Variants in SCN10A observed in about 807,000 individuals in gnomAD.
SCN10A encodes the protein sodium voltage-gated channel alpha subunit 10.
In SCN10A, 162 loss-of-function variants were observed where a neutral mutation model predicts 170.7. The observed-to-expected ratio is 0.95, with a 90% CI of 0.84 to 1.08. The LOEUF (loss-of-function observed/expected upper bound fraction) is 1.08. SCN10A is among the 50% of genes least tolerant of loss of function. The pLI, the probability that SCN10A is intolerant of heterozygous loss-of-function variation, is 0.00. For missense variants in SCN10A, 2,527 were observed against 2,436.9 expected (o/e 1.04, Z -0.78); for synonymous variants, 985 against 904.6 (o/e 1.09, Z -1.59).
At chr3:38,730,451 G>A (rs978826152) in intron 15 of SCN10A, among the ~76,000 whole-genome samples, 1 of 152,110 alleles carries the variant, frequency 6.6e-6, no homozygotes, top group African/African-American at 2.4e-5. Context: ...CTCAAAAATT[G>A]TTTAAGAGTT....
intron 22 of SCN10A, 34 bp from the exon 23 acceptor site, chr3:38,712,479 C>T: frequency 1.2e-6 from 2 of 1,601,492 alleles, no homozygotes; most frequent in East Asian, 4.5e-5. Flanking sequence ...TGGAACCTCC[C>T]AATGCCCCAC....
intron 13 of SCN10A, 137 bp downstream of exon 13, chr3:38,749,936 A>T (rs1371624086): frequency 9.9e-6 from 5 of 507,156 alleles, no homozygotes; most frequent in African/African-American, 2.0e-5. Flanking sequence ...GGGGCCTAAG[A>T]CATAAGAATG....
At chr3:38,723,381 C>G (rs1277347977) in intron 19 of SCN10A, 49 bp downstream of exon 19, 1 of 1,610,744 alleles carries the variant, frequency 6.2e-7, no homozygotes, top group African/African-American at 1.3e-5. Context: ...CAACTGGATT[C>G]TGGCCCTAAT....
intron 3 of SCN10A, 58 bp downstream of exon 3, chr3:38,791,992 G>C: frequency 8.8e-6 from 14 of 1,597,050 alleles, no homozygotes; most frequent in Non-Finnish European, 1.1e-5. Context: ...GAAGGTACTG[G>C]ACACAGTAGG....
rs759682828 is a variant in SCN10A at position 38,726,586 on chromosome 3, C to G, written c.3087+20G>C. On this transcript the variant is annotated intron_variant, in intron 17 of 27. Coordinates refer to ENST00000449082, the MANE Select transcript of SCN10A (RefSeq NM_006514.4). ...GCCCCTCCCCACTGCCTGTGGCTGT[C>G]CCTTGGGGATAACTCTTACCTGTCC... is the stretch of plus-strand genomic sequence containing the variant. 2 of 1,551,782 alleles carry G rather than the reference C, an allele frequency of 1.3e-6. No homozygotes were observed. The highest frequency in any genetic ancestry group is 1.8e-6 in the Non-Finnish European group (2 of 1,141,194).
At position 38,771,369 on chromosome 3, in the gene SCN10A, A is replaced by C. The variant is rs769305453; in HGVS notation, c.509T>G (p.Ile170Arg). 2.5e-6 allele frequency: 4 copies of C among 1,614,028 alleles called. No homozygotes were observed. The Admixed American group carries it at 6.7e-5, about 27-fold the overall frequency. The change falls in exon 5 of 28, where the codon ATA becomes AGA. Residue 170 changes from isoleucine (I) to arginine (R), a missense_variant. Ile to Arg is a moderately conservative substitution (Grantham distance 97). Coordinates refer to ENST00000449082, the MANE Select transcript of SCN10A (RefSeq NM_006514.4). ...FTVIYTFEAL[I>R]KILARGFCLN... ...ACAAAATCCTCTTGCCAGTATCTTT[A>C]TCAAGGCTTCAAAGGTGTAAATGAC...
At chr3:38,783,584 G>T (rs1047080576) in intron 4 of SCN10A, among the ~76,000 whole-genome samples, 2 of 151,964 alleles carry the variant, frequency 1.3e-5, no homozygotes, top group African/African-American at 4.8e-5. Context: ...GAATATAACA[G>T]AAATAGTTAA....
chr3:38,793,842 A>G lies in SCN10A; in HGVS notation c.169T>C (p.Leu57=), dbSNP rs751243180. ...TTGGGCAGCTGGTTGCAGGCTTTCA[A>G]GTCCAGCTGGGGCCGAGGCTTCTCT... ...QEEKPRPQLD[L]KACNQLPKFY... The change falls in exon 2 of 28, where the codon TTG becomes CTG. Residue 57 remains leucine, a synonymous_variant. Transcript: ENST00000449082. The G allele has an allele frequency of 1.2e-6, 2 of 1,613,908 alleles. No individual in the cohort carries two copies. The highest frequency in any genetic ancestry group is 2.7e-5 in the African/African-American group (2 of 74,886).
rs929984786 is a variant in SCN10A at position 38,736,531 on chromosome 3, T to C, written c.2280+2984A>G. Among the ~76,000 whole-genome samples, 3 of 152,244 alleles carry C rather than the reference T, an allele frequency of 2.0e-5. No individual in the cohort carries two copies. The East Asian group carries it at 5.8e-4, about 29-fold the overall frequency. On this transcript the variant is annotated intron_variant, in intron 15 of 27. Coordinates refer to ENST00000449082, the MANE Select transcript of SCN10A (RefSeq NM_006514.4). ...GAAACTGACCAGCTGGCGGTGATTTTTCTCCAGCATTTCTCACAGCTCAGG... is the reference window on the plus strand; with the variant it reads ...GAAACTGACCAGCTGGCGGTGATTTCTCTCCAGCATTTCTCACAGCTCAGG...
At position 38,765,041 on chromosome 3, in the gene SCN10A, C is replaced by G. The variant is rs550292008; in HGVS notation, c.600-1445G>C. Among the ~76,000 whole-genome samples, 6 of 152,148 alleles carry G rather than the reference C, an allele frequency of 3.9e-5. No homozygotes were observed. In the South Asian group the frequency reaches 1.2e-3, roughly 32 times the overall value. On this transcript the variant is annotated intron_variant, in intron 5 of 27. Coordinates refer to ENST00000449082, the MANE Select transcript of SCN10A (RefSeq NM_006514.4). ...ATTGCGTATTCTTGTCCTTTGCCCA[C>G]TTTTGGATGGGATTATTTGTTTGTT... is the stretch of plus-strand genomic sequence containing the variant.
At chr3:38,746,678 A>T (rs2063694198) in intron 13 of SCN10A, among the ~76,000 whole-genome samples, 1 of 152,168 alleles carries the variant, frequency 6.6e-6, no homozygotes, top group African/African-American at 2.4e-5. Flanking sequence ...CAGCTACATT[A>T]GGCTTTTTCA....
At chr3:38,756,047 G>T in intron 10 of SCN10A, 89 bp from the exon 11 acceptor site, 1 of 1,424,388 alleles carries the variant, frequency 7.0e-7, no homozygotes, top group Admixed American at 1.8e-5. Flanking sequence ...CCAGGGGTGA[G>T]AGATCTGAAA....
intron 19 of SCN10A, among the ~76,000 whole-genome samples, chr3:38,723,111 G>T (rs554244349): frequency 5.9e-5 from 9 of 152,314 alleles, no homozygotes; most frequent in Non-Finnish European, 5.9e-5. Context: ...AGAGTTTTCA[G>T]TGGTGTTTAT....
chr3:38,758,894 C>T (rs1559448700), intron 8 of SCN10A, among the ~76,000 whole-genome samples: 1 of 152,198 alleles, frequency 6.6e-6, no homozygotes, highest in Non-Finnish European at 1.5e-5. Flanking sequence ...GAGCCATTGC[C>T]TTGAGAAATG....
chr3:38,747,547 C>A (rs1428451442), intron 13 of SCN10A, among the ~76,000 whole-genome samples: 1 of 152,194 alleles, frequency 6.6e-6, no homozygotes, highest in Non-Finnish European at 1.5e-5. Context: ...GGCTAAAAAT[C>A]TGAGGCACAG....
rs146536985 is a variant in SCN10A at position 38,755,934 on chromosome 3, T to C, written c.1315A>G (p.Thr439Ala). ...QEVLAALGIDTTSLHSHNGSP... is the reference protein window; with the variant it reads ...QEVLAALGIDATSLHSHNGSP... ...CCATTGTGGGAGTGGAGAGAGGTTGTGTCAATCCCTAGTGCTGCTAGCACC... is the reference window on the plus strand; with the variant it reads ...CCATTGTGGGAGTGGAGAGAGGTTGCGTCAATCCCTAGTGCTGCTAGCACC... The change falls in exon 11 of 28, where the codon ACA (threonine) becomes GCA (alanine). Residue 439 changes from threonine to alanine, a missense_variant. Coordinates refer to ENST00000449082, the MANE Select transcript of SCN10A (RefSeq NM_006514.4). 43 of 1,614,234 alleles carry C rather than the reference T, an allele frequency of 2.7e-5. No individual in the cohort carries two copies. The African/African-American group carries it at 4.9e-4, about 19-fold the overall frequency.
chr3:38,778,455 A>C (rs2064101231), intron 4 of SCN10A, among the ~76,000 whole-genome samples: 2 of 151,740 alleles, frequency 1.3e-5, no homozygotes, highest in African/African-American at 2.4e-5. Flanking sequence ...CCCAAGCAAA[A>C]GAGGGGATTA....
chr3:38,756,026 G>A, intron 10 of SCN10A, 68 bp from the exon 11 acceptor site: 1 of 1,536,432 alleles, frequency 6.5e-7, no homozygotes, highest in South Asian at 1.1e-5. Context: ...GTGTCCCCCA[G>A]ACATGGGGTG....
intron 4 of SCN10A, among the ~76,000 whole-genome samples, chr3:38,780,079 T>C (rs11928917): frequency 0.022 from 3,347 of 152,080 alleles, 110 homozygotes; most frequent in African/African-American, 0.076. Flanking sequence ...ATTTGATCTG[T>C]TATTGGCTAA....
Sources: gnomAD v4.1 joint callset for allele counts (sites outside exome capture counted in the v4.1 genomes callset) on GRCh38, gnomAD v4.1.1 for gene constraint, MANE v1.5 for transcripts, NCBI Gene and HGNC (gene_info 2026-07-23, HGNC 2026-07-21) for gene names.